PIAS1: variants seen among roughly 807,000 people sequenced by gnomAD.
PIAS1 encodes protein inhibitor of activated STAT 1.
A neutral mutation model predicts 71.3 loss-of-function variants in PIAS1; 6 were observed. The observed-to-expected ratio is 0.08, with a 90% CI of 0.05 to 0.17. The LOEUF is 0.17. Ranked by LOEUF, PIAS1 falls within the 10% of genes least tolerant of loss-of-function variation. The probability of loss-of-function intolerance (pLI) is 1.00; values close to 1 mark genes in which losing one functional copy is unlikely to be tolerated. For synonymous variants in PIAS1, 303 were observed against 292.9 expected, an observed-to-expected ratio of 1.03 and a Z score of -0.35; for missense variants, 555 against 793.6, an observed-to-expected ratio of 0.70 and a Z score of 3.61.
At chr15:68,078,590 G>C (rs1233133524) in intron 1 of PIAS1, among the ~76,000 whole-genome samples, 1 of 152,096 alleles carries the variant, frequency 6.6e-6, no homozygotes, top group Admixed American at 6.5e-5. Flanking sequence ...CATATACTCA[G>C]CTCTGGCTGA....
chr15:68,063,314 T>G (rs1294237539), intron 1 of PIAS1, among the ~76,000 whole-genome samples: 1 of 152,224 alleles, frequency 6.6e-6, no homozygotes, highest in African/African-American at 2.4e-5. Context: ...TAAGACTTTT[T>G]CTTGCAGTCA....
intron 6 of PIAS1, among the ~76,000 whole-genome samples, chr15:68,149,710 G>A (rs2092832618): frequency 6.6e-6 from 1 of 151,816 alleles, no homozygotes; most frequent in Non-Finnish European, 1.5e-5. Context: ...TTATTTCATA[G>A]CTAAATTCAT....
intron 1 of PIAS1, among the ~76,000 whole-genome samples, chr15:68,077,056 C>T (rs897386024): frequency 2.0e-5 from 3 of 151,996 alleles, no homozygotes; most frequent in Admixed American, 1.3e-4. Flanking sequence ...AAATTGTATT[C>T]GAGGATGAGG....
chr15:68,088,198 A>ATATATATATATATATATC, intron 2 of PIAS1, among the ~76,000 whole-genome samples: 3 of 143,428 alleles, frequency 2.1e-5, no homozygotes, highest in South Asian at 2.2e-4. Flanking sequence ...ATATATATAT[A>ATATATATATATATATATC]TATCCCATTT....
intron 13 of PIAS1, chr15:68,184,526 A>G (rs1266736801): frequency 6.6e-6 from 1 of 152,224 alleles, no homozygotes; most frequent in Non-Finnish European, 1.5e-5. Flanking sequence ...ACTGGACCCA[A>G]CTACAGTGTT....
In PIAS1 at chr15:68,086,625, G is replaced by A. The variant is rs2092285074; in HGVS notation, c.344G>A (p.Gly115Glu). The change falls in exon 2 of 14, where the codon GGA (glycine) becomes GAA (glutamate). Residue 115 changes from glycine (G) to glutamate (E), a missense_variant. Gly to Glu is a moderately conservative substitution (Grantham distance 98). Coordinates refer to ENST00000249636, the MANE Select transcript of PIAS1 (RefSeq NM_016166.3). The surrounding 1 kb of genome is among the most constrained non-coding windows in gnomAD (Gnocchi z 7.2). ...SSPLLPVSLL[G>E]PKHELELPHL... is the part of the protein sequence containing the mutation. ...CCATTACTCCCTGTTTCTCTTCTGG[G>A]ACCTAAACATGAACTGGAACTCCCA... 6.2e-7 allele frequency: 1 copy of A among 1,613,472 alleles called. No homozygotes were observed. Among genetic ancestry groups the A allele is most frequent in the Non-Finnish European group, 8.5e-7 (1 of 1,179,560 alleles).
At chr15:68,116,941 T>C (rs1276947503) in intron 2 of PIAS1, among the ~76,000 whole-genome samples, 2 of 152,210 alleles carry the variant, frequency 1.3e-5, no homozygotes, top group African/African-American at 2.4e-5. Context: ...TGGCGTACAA[T>C]GTGATGTTTC....
intron 1 of PIAS1, among the ~76,000 whole-genome samples, chr15:68,071,658 C>T (rs2092098342): frequency 1.3e-5 from 2 of 151,866 alleles, no homozygotes; most frequent in Non-Finnish European, 2.9e-5. Context: ...TCAGACTGGG[C>T]CTTAGAAGAG....
At chr15:68,109,626 A>G (rs2092504539) in intron 2 of PIAS1, among the ~76,000 whole-genome samples, 1 of 152,194 alleles carries the variant, frequency 6.6e-6, no homozygotes, top group South Asian at 2.1e-4. Flanking sequence ...CAGAAAGAGG[A>G]TAAATCTTTG....
intron 1 of PIAS1, among the ~76,000 whole-genome samples, chr15:68,074,252 T>C (rs2092132433): frequency 6.6e-6 from 1 of 152,218 alleles, no homozygotes; most frequent in South Asian, 2.1e-4. Context: ...AGGATTACTT[T>C]AGACTTAGGA....
At chr15:68,064,786 A>G (rs1173305542) in intron 1 of PIAS1, among the ~76,000 whole-genome samples, 1 of 152,262 alleles carries the variant, frequency 6.6e-6, no homozygotes. Flanking sequence ...AGATGTGAGA[A>G]TCAAGATGTC....
At chr15:68,135,748 C>T (rs2092728743) in intron 2 of PIAS1, among the ~76,000 whole-genome samples, 1 of 43,014 alleles carries the variant, frequency 2.3e-5, no homozygotes, top group Non-Finnish European at 8.9e-5. Flanking sequence ...GGCTGCCGGG[C>T]GTAGGGGCTC....
At chr15:68,166,051 A>G (rs966088079) in intron 8 of PIAS1, among the ~76,000 whole-genome samples, 8 of 152,198 alleles carry the variant, frequency 5.3e-5, no homozygotes, top group African/African-American at 1.9e-4. Context: ...AATTTATGAA[A>G]CTTCAAACAT....
chr15:68,114,175 C>A (rs2141012878), intron 2 of PIAS1, among the ~76,000 whole-genome samples: 1 of 152,014 alleles, frequency 6.6e-6, no homozygotes. Context: ...ACAAAGGAGT[C>A]AATTTTTGCT....
chr15:68,071,273 T>TC (rs1344035693), intron 1 of PIAS1, among the ~76,000 whole-genome samples: 1 of 141,624 alleles, frequency 7.1e-6, no homozygotes, highest in African/African-American at 2.6e-5. Flanking sequence ...TTCATTCTTT[T>TC]TTTTTTTTTT....
At chr15:68,095,096 T>G (rs1252759218) in intron 2 of PIAS1, among the ~76,000 whole-genome samples, 1 of 152,202 alleles carries the variant, frequency 6.6e-6, no homozygotes, top group East Asian at 1.9e-4. Flanking sequence ...AAAGAACCAC[T>G]CTATACAATT....
chr15:68,097,949 T>C (rs2092390656), intron 2 of PIAS1, among the ~76,000 whole-genome samples: 1 of 152,214 alleles, frequency 6.6e-6, no homozygotes, highest in Non-Finnish European at 1.5e-5. Context: ...TTTTAATCAA[T>C]TCTGAATTTT....
intron 8 of PIAS1, among the ~76,000 whole-genome samples, chr15:68,170,266 G>A (rs1034049659): frequency 2.0e-5 from 3 of 152,124 alleles, no homozygotes; most frequent in African/African-American, 7.2e-5. Context: ...AAGCATCATA[G>A]GTGTGCTTAC....
rs1363432407 is a variant in PIAS1, at chr15:68,174,523, TCTC to T, written c.1169+634_1169+636del. Among the ~76,000 whole-genome samples the T allele has an allele frequency of 2.6e-5, 4 of 152,180 alleles. No homozygotes were observed. Among genetic ancestry groups the T allele is most frequent in the Non-Finnish European group, 5.9e-5 (4 of 68,024 alleles). On this transcript the variant is annotated intron_variant, in intron 9 of 13. Coordinates refer to ENST00000249636, the MANE Select transcript of PIAS1 (RefSeq NM_016166.3). The surrounding 1 kb of genome is among the most constrained non-coding windows in gnomAD (Gnocchi z 4.0). The stretch of plus-strand genomic sequence containing the variant: ...AAAACAAATTGTGAAAAGGAGGACA[TCTC>T]CTTGATTTTTTTGGGGATGGGGGGT...
Sources: allele counts gnomAD v4.1 joint callset (sites outside exome capture counted in the v4.1 genomes callset), GRCh38; gene constraint gnomAD v4.1.1; non-coding constraint Gnocchi (gnomAD v3.1); transcripts MANE v1.5; gene names NCBI Gene and HGNC (gene_info 2026-07-23, HGNC 2026-07-21).